RCOR2: variants seen among roughly 807,000 people sequenced by gnomAD.
RCOR2 encodes the protein REST corepressor 2.
Under a neutral mutation model 58.9 loss-of-function variants are expected in RCOR2, and 19 were observed. The ratio of observed to expected loss-of-function variants is 0.32; its 90% CI spans 0.23 to 0.47. The LOEUF is 0.47. Among genes scored for constraint, RCOR2 ranks in the 20% least tolerant of loss-of-function variants. The probability of loss-of-function intolerance (pLI) is 1.00; values close to 1 mark genes in which losing one functional copy is unlikely to be tolerated. For synonymous variants in RCOR2, 286 were observed against 278.7 expected (o/e 1.03, Z -0.26); for missense variants, 590 against 707.9 (o/e 0.83, Z 1.89).
chr11:63,920,786 C>T (rs111296917), upstream of RCOR2, among the ~76,000 whole-genome samples: 9 of 152,236 alleles, frequency 5.9e-5, no homozygotes, highest in African/African-American at 1.7e-4. Flanking sequence ...CCTCCCCTGC[C>T]GCCCACTGGG....
chr11:63,918,138 G>T (rs899279222), upstream of RCOR2, among the ~76,000 whole-genome samples: 1 of 137,622 alleles, frequency 7.3e-6, no homozygotes, highest in African/African-American at 2.7e-5. Flanking sequence ...CCCACCCGGA[G>T]CCCCAGTCTC....
At position 63,914,381 on chromosome 11, in the gene RCOR2, C is replaced by T. The variant is rs749498764; in HGVS notation, c.605+36G>A. 4 of 1,613,158 alleles carry T rather than the reference C, an allele frequency of 2.5e-6. No homozygotes were observed. The South Asian group carries it at 3.3e-5, about 13-fold the overall frequency. On this transcript the variant is annotated intron_variant, in intron 6 of 11. Transcript: ENST00000301459. The stretch of plus-strand genomic sequence containing the variant: ...AATGAGGCAGCTGCCAGGAGCTCTA[C>T]CTACCCCCATGCCCAGTGCTTGCTC...
chr11:63,923,940 C>T, the RCOR2 span, among the ~76,000 whole-genome samples: 1 of 152,260 alleles, frequency 6.6e-6, no homozygotes, highest in African/African-American at 2.4e-5. Flanking sequence ...CGGAGTTTCA[C>T]TCTTGTTGCC....
At chr11:63,915,065 A>G (rs1371662767) in intron 3 of RCOR2, 111 bp from the exon 4 acceptor site, 3 of 1,544,102 alleles carry the variant, frequency 1.9e-6, no homozygotes, top group Admixed American at 1.7e-5. Flanking sequence ...CACGAGCCCC[A>G]GGGCAAGGGT....
chr11:63,917,006 G>T lies in RCOR2; in HGVS notation c.-550C>A, dbSNP rs1941868448. Among the ~76,000 whole-genome samples, 1 of 146,742 alleles carries T rather than the reference G, an allele frequency of 6.8e-6. No individual in the cohort carries two copies. Among genetic ancestry groups the T allele is most frequent in the Non-Finnish European group, 1.5e-5 (1 of 65,946 alleles). ...GGCGGCGACGGCGGCGGGACGGCGCGCACGGCGCGCGGCGCTGGGCAGAGT... is the reference window on the plus strand; with the variant it reads ...GGCGGCGACGGCGGCGGGACGGCGCTCACGGCGCGCGGCGCTGGGCAGAGT... On this transcript the variant is annotated 5_prime_UTR_variant, in exon 1 of 12. Transcript: ENST00000301459.
Position 63,916,967 on chromosome 11 carries a change from C to CCGGCGGCGGCGG in RCOR2, c.-523_-512dup, listed in dbSNP as rs543905673. 5.4e-5 allele frequency: 8 copies of CCGGCGGCGGCGG among 147,148 alleles called. No individual in the cohort carries two copies. Among genetic ancestry groups the CCGGCGGCGGCGG allele is most frequent in the East Asian group, 4.0e-4 (2 of 4,978 alleles). 9.1% of individuals were successfully genotyped at this position (147,148 alleles called of 1,614,324 possible). Reference sequence around the variant, plus strand: ...CCCGCGACGGCAGCCGGCCGGGGCACCGGCGGCGGCGGCGGCGGCGACGGC... The same window carrying CCGGCGGCGGCGG: ...CCCGCGACGGCAGCCGGCCGGGGCACCGGCGGCGGCGGCGGCGGCGGCGGCGGCGGCGACGGC... On this transcript the variant is annotated 5_prime_UTR_variant, in exon 1 of 12. Coordinates refer to ENST00000301459, the MANE Select transcript of RCOR2 (RefSeq NM_173587.4).
Position 63,916,611 on chromosome 11 carries a change from G to A in RCOR2, c.-155C>T. The stretch of plus-strand genomic sequence containing the variant: ...CAGCGTGGCTAGGGTCCGGCGGGGT[G>A]GGAGCCCACCTGGTAGCCCCAGCGC... On this transcript the variant is annotated 5_prime_UTR_variant, in exon 1 of 12. Transcript: ENST00000301459. The A allele has an allele frequency of 7.6e-7, 1 of 1,315,752 alleles. No homozygotes were observed. The highest frequency in any genetic ancestry group is 1.6e-5 in the South Asian group (1 of 64,380). 81.5% of individuals were successfully genotyped at this position (1,315,752 alleles called of 1,614,324 possible).
Position 63,916,807 on chromosome 11 carries a change from C to A in RCOR2, c.-351G>T. The stretch of plus-strand genomic sequence containing the variant: ...CTGTCCTCGGGGCGCCCTGGAACCC[C>A]ACCGCCCACCTGCCCACGCCGTTCA... On this transcript the variant is annotated 5_prime_UTR_variant, in exon 1 of 12. Coordinates refer to ENST00000301459, the MANE Select transcript of RCOR2 (RefSeq NM_173587.4). 4.4e-6 allele frequency: 1 copy of A among 228,390 alleles called. No homozygotes were observed. The highest frequency in any genetic ancestry group is 8.6e-6 in the Non-Finnish European group (1 of 116,088). 14.1% of individuals were successfully genotyped at this position (228,390 alleles called of 1,614,324 possible). A position where few individuals can be genotyped will look rare whatever the true frequency, so the allele number is the denominator to read the frequency against.
rs375295805 is a variant in RCOR2 at position 63,914,302 on chromosome 11, C to G, written c.634G>C (p.Val212Leu). The change falls in exon 7 of 12, where the codon GTG (valine) becomes CTG (leucine). Residue 212 changes from valine to leucine, a missense_variant. Val to Leu is a conservative substitution (Grantham distance 32, BLOSUM62 1). This residue lies in a region of RCOR2 where 390 missense variants were observed against 478.7 expected (regional missense o/e 0.81). Coordinates refer to ENST00000301459, the MANE Select transcript of RCOR2 (RefSeq NM_173587.4). ...GCAGGATCGGGCTCTCCCTCACTCACGCCTCCTCGACCCTCTTCGAGCTCA... is the reference window on the plus strand; with the variant it reads ...GCAGGATCGGGCTCTCCCTCACTCAGGCCTCCTCGACCCTCTTCGAGCTCA... Reference protein sequence around the residue: ...SDELEEGRGGVSEGEPDPADP... With the variant: ...SDELEEGRGGLSEGEPDPADP... The G allele has an allele frequency of 1.9e-5, 30 of 1,613,464 alleles. No individual in the cohort carries two copies. The highest frequency in any genetic ancestry group is 2.4e-5 in the Non-Finnish European group (28 of 1,180,022).
upstream of RCOR2, among the ~76,000 whole-genome samples, chr11:63,919,301 A>T (rs1294357241): frequency 1.3e-5 from 2 of 151,236 alleles, no homozygotes; most frequent in Non-Finnish European, 1.5e-5. Context: ...CCCACCTGCT[A>T]CAGCCGCCCC....
intron 1 of RCOR2, 71 bp from the exon 2 acceptor site, chr11:63,915,682 G>A (rs1941846914): frequency 7.6e-7 from 1 of 1,307,996 alleles, no homozygotes; most frequent in Non-Finnish European, 1.1e-6. Flanking sequence ...GCGGGCGGGG[G>A]AGGTGGCCGG....
Position 63,916,667 on chromosome 11 carries a change from GAA to G in RCOR2, c.-213_-212del. 4.9e-6 allele frequency: 4 copies of G among 810,264 alleles called. No homozygotes were observed. Among genetic ancestry groups the G allele is most frequent in the Non-Finnish European group, 5.6e-6 (3 of 538,386 alleles). 50.2% of individuals were successfully genotyped at this position (810,264 alleles called of 1,614,324 possible). A position where few individuals can be genotyped will look rare whatever the true frequency, so the allele number is the denominator to read the frequency against. Reference sequence around the variant, plus strand: ...ACGACCCCCACGAGCCAGGGCGTCAGAAAAGTTTGTGCAGAAGTGGGGGACGC... The same window carrying G: ...ACGACCCCCACGAGCCAGGGCGTCAGAAGTTTGTGCAGAAGTGGGGGACGC... On this transcript the variant is annotated 5_prime_UTR_variant, in exon 1 of 12. Transcript: ENST00000301459.
chr11:63,917,074 A>ACCCTCCCCGGCGCGCTCG lies in RCOR2; in HGVS notation c.-636_-619dup, dbSNP rs1333291608. ...AGCGCAGCCGCGGGTGCCGCCTCGC[A>ACCCTCCCCGGCGCGCTCG]CCCTCCCCGGCGCGCTCGCTCTCCC... On this transcript the variant is annotated 5_prime_UTR_variant, in exon 1 of 12. Transcript: ENST00000301459. 1.3e-5 allele frequency among the ~76,000 whole-genome samples: 2 copies of ACCCTCCCCGGCGCGCTCG among 150,150 alleles called. No homozygotes were observed.
intron 8 of RCOR2, among the ~76,000 whole-genome samples, chr11:63,913,225 T>C (rs1301250815): frequency 2.8e-5 from 4 of 144,250 alleles, no homozygotes; most frequent in Non-Finnish European, 6.1e-5. Context: ...TTATTCTTGT[T>C]ACCCAGGTTG....
At position 63,912,967 on chromosome 11, in the gene RCOR2, G is replaced by A. The variant is rs1386625222; in HGVS notation, c.892-20C>T. 1.2e-6 allele frequency: 2 copies of A among 1,606,930 alleles called. No homozygotes were observed. The highest frequency in any genetic ancestry group is 2.2e-5 in the East Asian group (1 of 44,688). On this transcript the variant is annotated intron_variant, in intron 8 of 11. Coordinates refer to ENST00000301459, the MANE Select transcript of RCOR2 (RefSeq NM_173587.4). ...CTGTACCTGGGAAGGCCAGGAAGTG[G>A]AGGAATATCAGACTCCCATCTCAGG...
the RCOR2 span, among the ~76,000 whole-genome samples, chr11:63,923,121 T>C: frequency 6.6e-6 from 1 of 152,012 alleles, no homozygotes; most frequent in African/African-American, 2.4e-5. Context: ...GTAGCATAGA[T>C]GGACCTTCCC....
chr11:63,917,199 C>T (rs1941872464), upstream of RCOR2, among the ~76,000 whole-genome samples: 1 of 151,968 alleles, frequency 6.6e-6, no homozygotes, highest in Admixed American at 6.5e-5. Flanking sequence ...CCGGCTGCGG[C>T]CTCAGCACCC....
At chr11:63,917,399 C>G (rs1410870306), upstream of RCOR2, among the ~76,000 whole-genome samples, 2 of 152,082 alleles carry the variant, frequency 1.3e-5, no homozygotes, top group Admixed American at 6.5e-5. Context: ...GGGGGAGACC[C>G]CACTGCCCCC....
Position 63,912,039 on chromosome 11 carries a change from C to A in RCOR2, c.1398G>T (p.Gln466His). 2 of 1,438,062 alleles carry A rather than the reference C, an allele frequency of 1.4e-6. No homozygotes were observed. Among genetic ancestry groups the A allele is most frequent in the Admixed American group, 2.9e-5 (1 of 34,594 alleles). The allele number at this position is 1,438,062 out of a possible 1,614,324, so 89.1% of individuals were successfully genotyped here. ...AGCGGCCCTGCTGCAGTGGGGGTGG[C>A]TGTCGGAGCAGAGTGGGAGCCGTGG... is the stretch of plus-strand genomic sequence containing the variant. Reference protein sequence around the residue: ...PLPTAPTLLRQPPPLQQGRFL... With the variant: ...PLPTAPTLLRHPPPLQQGRFL... The change falls in exon 12 of 12, where the codon CAG (glutamine) becomes CAT (histidine). Residue 466 changes from glutamine to histidine, a missense_variant. Coordinates refer to ENST00000301459, the MANE Select transcript of RCOR2 (RefSeq NM_173587.4).
Sources: gnomAD v4.1 joint callset for allele counts (sites outside exome capture counted in the v4.1 genomes callset) on GRCh38, gnomAD v4.1.1 for gene constraint, gnomAD v4.1.1 regional missense constraint, MANE v1.5 for transcripts, NCBI Gene and HGNC (gene_info 2026-07-23, HGNC 2026-07-21) for gene names.